Variants in CACNA2D3 observed in about 807,000 individuals in gnomAD.
CACNA2D3 encodes the protein voltage-dependent calcium channel subunit alpha-2/delta-3.
CACNA2D3 carries 60 observed loss-of-function variants against 160.6 expected under a neutral mutation model. The observed-to-expected ratio is 0.37, with a 90% CI of 0.30 to 0.46. The LOEUF is 0.46. CACNA2D3 is among the 20% of genes least tolerant of loss of function. The pLI is 1.00. For missense variants in CACNA2D3, 1,205 were observed against 1,365.0 expected, an observed-to-expected ratio of 0.88 and a Z score of 1.85; for synonymous variants, 558 against 492.9, an observed-to-expected ratio of 1.13 and a Z score of -1.75.
intron 2 of CACNA2D3, among the ~76,000 whole-genome samples, chr3:54,295,440 G>T (rs974892095): frequency 3.9e-5 from 6 of 152,192 alleles, no homozygotes; most frequent in Non-Finnish European, 7.3e-5. Flanking sequence ...GCCCAAGGTA[G>T]TCGGGGCACA....
chr3:54,879,033 G>C lies in CACNA2D3; in HGVS notation c.1726G>C (p.Val576Leu). 2 of 1,604,398 alleles carry C rather than the reference G, an allele frequency of 1.2e-6. No homozygotes were observed. Among genetic ancestry groups the C allele is most frequent in the Non-Finnish European group, 1.7e-6 (2 of 1,175,684 alleles). Residue 576 changes from valine to leucine, a missense_variant, in exon 19 of 38, where the codon GTG (valine) becomes CTG (leucine). Transcript: ENST00000474759. ...ATCATTTTAGTTGAGAAATGCTATG[G>C]TGAATCGAAAGACGGGGAAGTTTTC... The part of the protein sequence containing the change: ...DRDDVLRNAM[V>L]NRKTGKFSME...
At chr3:55,052,432 A>G (rs891224816) in intron 35 of CACNA2D3, among the ~76,000 whole-genome samples, 4 of 141,164 alleles carry the variant, frequency 2.8e-5, no homozygotes, top group African/African-American at 2.6e-5. Flanking sequence ...ATATATACAC[A>G]TATATATGTA....
At chr3:54,520,800 A>G (rs1701636600) in intron 5 of CACNA2D3, among the ~76,000 whole-genome samples, 1 of 152,142 alleles carries the variant, frequency 6.6e-6, no homozygotes, top group Non-Finnish European at 1.5e-5. Flanking sequence ...TAAGCAACGA[A>G]TGATCTTTCT....
intron 2 of CACNA2D3, among the ~76,000 whole-genome samples, chr3:54,142,206 C>T (rs181411171): frequency 6.6e-6 from 1 of 152,190 alleles, no homozygotes; most frequent in Non-Finnish European, 1.5e-5. Flanking sequence ...CCTCACTGCT[C>T]CTCCTTGTGT....
chr3:54,212,086 T>TA (rs1701384344), intron 2 of CACNA2D3, among the ~76,000 whole-genome samples: 1 of 152,168 alleles, frequency 6.6e-6, no homozygotes, highest in Admixed American at 6.5e-5. Flanking sequence ...GACCAATAGT[T>TA]ACTAGTTTAG....
chr3:54,968,559 C>T (rs907932375), intron 28 of CACNA2D3, 48 bp downstream of exon 28: 15 of 1,394,154 alleles, frequency 1.1e-5, no homozygotes, highest in Admixed American at 1.9e-5. Context: ...TGTTATTATA[C>T]AGGTGTTCCC....
intron 10 of CACNA2D3, among the ~76,000 whole-genome samples, chr3:54,628,835 C>A (rs661201): frequency 0.46 from 68,934 of 151,120 alleles, 16,363 homozygotes; most frequent in Non-Finnish European, 0.52. Context: ...GTGACATCAG[C>A]GCCGAGTCAC....
intron 9 of CACNA2D3, chr3:54,626,728 T>C (rs1575391192): frequency 2.9e-6 from 2 of 693,412 alleles, no homozygotes; most frequent in Admixed American, 2.7e-5. Context: ...AAGAAAGGGG[T>C]TCGGAATGCA....
intron 4 of CACNA2D3, among the ~76,000 whole-genome samples, chr3:54,497,263 GTCT>G (rs1701216874): frequency 8.0e-6 from 1 of 124,670 alleles, no homozygotes; most frequent in Non-Finnish European, 1.7e-5. Context: ...ATTTATATAA[GTCT>G]TCTTTAAGTT....
intron 29 of CACNA2D3, among the ~76,000 whole-genome samples, chr3:54,980,429 T>C (rs2107094579): frequency 6.6e-6 from 1 of 152,362 alleles, no homozygotes. Context: ...TTCAAACTTT[T>C]AGCTTTATCC....
chr3:54,643,470 C>A (rs1559536930), intron 11 of CACNA2D3, among the ~76,000 whole-genome samples: 1 of 152,048 alleles, frequency 6.6e-6, no homozygotes, highest in African/African-American at 2.4e-5. Flanking sequence ...ACCTCTGAAG[C>A]TGGAGAAAAA....
intron 2 of CACNA2D3, among the ~76,000 whole-genome samples, chr3:54,147,174 C>A (rs1700047884): frequency 6.6e-6 from 1 of 152,232 alleles, no homozygotes; most frequent in Non-Finnish European, 1.5e-5. Flanking sequence ...GCACTGCCTG[C>A]TGGCTGTCAC....
intron 2 of CACNA2D3, among the ~76,000 whole-genome samples, chr3:54,280,885 C>T (rs2107462600): frequency 6.6e-6 from 1 of 152,310 alleles, no homozygotes; most frequent in East Asian, 1.9e-4. Context: ...GGAGCCCACT[C>T]CTGGAAACTG....
At chr3:54,895,294 C>T (rs1203381594) in intron 25 of CACNA2D3, among the ~76,000 whole-genome samples, 3 of 152,162 alleles carry the variant, frequency 2.0e-5, no homozygotes, top group Non-Finnish European at 1.5e-5. Context: ...AAGCATACAC[C>T]AAGCGCCTGC....
At chr3:54,742,933 A>C (rs1701683561) in intron 11 of CACNA2D3, among the ~76,000 whole-genome samples, 1 of 152,206 alleles carries the variant, frequency 6.6e-6, no homozygotes, top group African/African-American at 2.4e-5. Context: ...GTTATCACTG[A>C]GCTTCAGGAG....
At chr3:54,614,627 T>C (rs1698810817) in intron 9 of CACNA2D3, among the ~76,000 whole-genome samples, 1 of 152,170 alleles carries the variant, frequency 6.6e-6, no homozygotes, top group African/African-American at 2.4e-5. Context: ...TCAAGGAAAA[T>C]ACAGAGATAA....
At chr3:54,141,293 G>A (rs1412004230) in intron 2 of CACNA2D3, among the ~76,000 whole-genome samples, 1 of 152,064 alleles carries the variant, frequency 6.6e-6, no homozygotes, top group Non-Finnish European at 1.5e-5. Flanking sequence ...CATACCCAAG[G>A]CTCCATTCAA....
intron 2 of CACNA2D3, among the ~76,000 whole-genome samples, chr3:54,145,270 C>T (rs535169562): frequency 1.5e-4 from 23 of 152,278 alleles, no homozygotes; most frequent in Middle Eastern, 3.4e-3. Context: ...GTCTAAACCC[C>T]GGAGTAAATG....
intron 2 of CACNA2D3, among the ~76,000 whole-genome samples, chr3:54,154,771 T>A (rs945098312): frequency 1.3e-5 from 2 of 152,196 alleles, no homozygotes; most frequent in East Asian, 3.9e-4. Flanking sequence ...AAATCCACGA[T>A]CTTGTTGCAG....
Sources: gnomAD v4.1 joint callset for allele counts (sites outside exome capture counted in the v4.1 genomes callset) on GRCh38, gnomAD v4.1.1 for gene constraint, MANE v1.5 for transcripts, NCBI Gene and HGNC (gene_info 2026-07-23, HGNC 2026-07-21) for gene names.